Variants in RSBN1L observed in about 807,000 individuals in gnomAD.
The protein encoded by RSBN1L is lysine-specific demethylase RSBN1L.
In RSBN1L, 30 loss-of-function variants were observed where a neutral mutation model predicts 67.7. The ratio of observed to expected loss-of-function variants is 0.44; its 90% CI spans 0.33 to 0.60. The LOEUF (loss-of-function observed/expected upper bound fraction) is 0.60, where lower values mean the gene tolerates loss of function less well. Among genes scored for constraint, RSBN1L ranks in the 20% least tolerant of loss-of-function variants. The pLI is 0.02. For synonymous variants in RSBN1L, 433 were observed against 387.0 expected, an observed-to-expected ratio of 1.12 and a Z score of -1.39; for missense variants, 992 against 1,031.7, an observed-to-expected ratio of 0.96 and a Z score of 0.53.
intron 1 of RSBN1L, among the ~76,000 whole-genome samples, chr7:77,716,078 A>G (rs1213010579): frequency 1.3e-5 from 2 of 152,190 alleles, no homozygotes; most frequent in Admixed American, 6.5e-5. Context: ...TTTTCATAGC[A>G]GAAATTTATA....
chr7:77,769,200 T>C (rs1034927956), intron 5 of RSBN1L, among the ~76,000 whole-genome samples: 8 of 152,216 alleles, frequency 5.3e-5, no homozygotes, highest in African/African-American at 1.9e-4. Flanking sequence ...TGCATTTCAA[T>C]TGGACTAACA....
At chr7:77,725,027 A>G (rs1439989040) in intron 1 of RSBN1L, among the ~76,000 whole-genome samples, 2 of 149,698 alleles carry the variant, frequency 1.3e-5, no homozygotes, top group African/African-American at 2.5e-5. Context: ...TATTTTTAGT[A>G]CAAACGGGGT....
chr7:77,749,812 C>G lies in RSBN1L; in HGVS notation c.1092C>G (p.Ala364=), dbSNP rs753327846. The change falls in exon 3 of 8, where the codon GCC becomes GCG. Residue 364 remains alanine, a synonymous_variant. Coordinates refer to ENST00000334955, the MANE Select transcript of RSBN1L (RefSeq NM_198467.3). ...QPNGGASVIH[A]YSNELSHLSP... ...ATGGAGGTGCATCGGTTATCCATGCCTACAGTAACGAACTCTCCCACCTGT... is the reference window on the plus strand; with the variant it reads ...ATGGAGGTGCATCGGTTATCCATGCGTACAGTAACGAACTCTCCCACCTGT... 26 of 1,614,032 alleles carry G rather than the reference C, an allele frequency of 1.6e-5. No individual in the cohort carries two copies. Among genetic ancestry groups the G allele is most frequent in the Non-Finnish European group, 1.4e-5 (16 of 1,180,030 alleles).
At position 77,731,151 on chromosome 7, in the gene RSBN1L, C is replaced by T. The variant is rs543840748; in HGVS notation, c.587-5259C>T. Among the ~76,000 whole-genome samples, 13 of 152,092 alleles carry T rather than the reference C, an allele frequency of 8.5e-5. No individual in the cohort carries two copies. The East Asian group carries it at 2.3e-3, about 27-fold the overall frequency. On this transcript the variant is annotated intron_variant, in intron 1 of 7. Transcript: ENST00000334955. ...CAGGTGTGGAGTATCTTGTCCTATG[C>T]TTATTTGCTATCTGTATATCTTCTT... is the stretch of plus-strand genomic sequence containing the variant.
rs200508375 is a variant in RSBN1L at position 77,696,605 on chromosome 7, C to A, written c.136C>A (p.Arg46=). ...PPGSLSAKKV[R]TEEKKAPRRV... ...GGGTTCTCTGTCCGCCAAGAAGGTC[C>A]GGACTGAGGAGAAGAAGGCACCGCG... is the stretch of plus-strand genomic sequence containing the variant. Residue 46 remains arginine (R), a synonymous_variant, in exon 1 of 8, where the codon CGG becomes AGG. Transcript: ENST00000334955. 1.2e-6 allele frequency: 2 copies of A among 1,614,066 alleles called. No homozygotes were observed. The highest frequency in any genetic ancestry group is 1.7e-5 in the Admixed American group (1 of 60,024).
At position 77,782,220 on chromosome 7, in the gene RSBN1L, C is replaced by G. The variant is rs1233233466; in HGVS notation, c.*3052C>G. 2.0e-5 allele frequency: 3 copies of G among 152,096 alleles called. No homozygotes were observed. Among genetic ancestry groups the G allele is most frequent in the Non-Finnish European group, 4.4e-5 (3 of 68,018 alleles). The allele number at this position is 152,096 out of a possible 1,614,324, so 9.4% of individuals were successfully genotyped here. ...TTCATAGTACATTCCAGTTCTTTAT[C>G]TGAATACAAGCGTTTTGCTTTTATT... On this transcript the variant is annotated 3_prime_UTR_variant, in exon 8 of 8. Coordinates refer to ENST00000334955, the MANE Select transcript of RSBN1L (RefSeq NM_198467.3).
In RSBN1L at chr7:77,778,733, T is replaced by C; in HGVS notation, c.2106T>C (p.Asn702=). 6.2e-7 allele frequency: 1 copy of C among 1,614,130 alleles called. No individual in the cohort carries two copies. Among genetic ancestry groups the C allele is most frequent in the Non-Finnish European group, 8.5e-7 (1 of 1,179,996 alleles). Residue 702 remains asparagine (N), a synonymous_variant, in exon 8 of 8, where the codon AAT becomes AAC. Coordinates refer to ENST00000334955, the MANE Select transcript of RSBN1L (RefSeq NM_198467.3). ...ACTCAGAGGAGGACACTTCTCAGAA[T>C]ACAGCTACTCATGAAACAGGCACAT... ...LYHSEEDTSQ[N]TATHETGTSS...
rs768518221 is a variant in RSBN1L at position 77,696,498 on chromosome 7, G to A, written c.29G>A (p.Cys10Tyr). ...GCGGAACCGCCGAGCCCCGTGCACT[G>A]TGTCGCTGCCGCGGCCCCCACCGCC... MAEPPSPVHCVAAAAPTATV... is the reference protein window; with the variant it reads MAEPPSPVHYVAAAAPTATV... The change falls in exon 1 of 8, where the codon TGT becomes TAT. Residue 10 changes from cysteine to tyrosine, a missense_variant. Cys to Tyr is a radical substitution (Grantham distance 194). This residue lies in a region of RSBN1L where 575 missense variants were observed against 483.2 expected (regional missense o/e 1.19). Coordinates refer to ENST00000334955, the MANE Select transcript of RSBN1L (RefSeq NM_198467.3). 1.2e-6 allele frequency: 2 copies of A among 1,613,330 alleles called. No homozygotes were observed. Among genetic ancestry groups the A allele is most frequent in the South Asian group, 1.1e-5 (1 of 91,072 alleles).
At position 77,696,669 on chromosome 7, in the gene RSBN1L, G is replaced by A. The variant is rs777035604; in HGVS notation, c.200G>A (p.Arg67Lys). The change falls in exon 1 of 8, where the codon AGG becomes AAG. Residue 67 changes from arginine to lysine, a missense_variant. Transcript: ENST00000334955. The part of the protein sequence containing the change: ...NGEGGSGGNS[R>K]QLQPPAAPSP... ...GAAGGGGGCAGCGGCGGGAACAGCA[G>A]GCAGCTGCAGCCGCCGGCAGCACCT... The A allele has an allele frequency of 2.4e-5, 39 of 1,611,204 alleles. No individual in the cohort carries two copies. The highest frequency in any genetic ancestry group is 2.7e-5 in the African/African-American group (2 of 74,910).
chr7:77,769,207 A>G (rs1164631907), intron 5 of RSBN1L, among the ~76,000 whole-genome samples: 1 of 152,228 alleles, frequency 6.6e-6, no homozygotes, highest in Non-Finnish European at 1.5e-5. Flanking sequence ...CAATTGGACT[A>G]ACACTTCCAG....
chr7:77,696,678 A>G lies in RSBN1L; in HGVS notation c.209A>G (p.Gln70Arg). 6.2e-7 allele frequency: 1 copy of G among 1,611,074 alleles called. No homozygotes were observed. The change falls in exon 1 of 8, where the codon CAG (glutamine) becomes CGG (arginine). Residue 70 changes from glutamine to arginine, a missense_variant. Coordinates refer to ENST00000334955, the MANE Select transcript of RSBN1L (RefSeq NM_198467.3). Reference protein sequence around the residue: ...GGSGGNSRQLQPPAAPSPQSY... With the variant: ...GGSGGNSRQLRPPAAPSPQSY... ...AGCGGCGGGAACAGCAGGCAGCTGC[A>G]GCCGCCGGCAGCACCTTCGCCTCAG... is the stretch of plus-strand genomic sequence containing the variant.
chr7:77,723,092 G>T (rs1042566981), intron 1 of RSBN1L, among the ~76,000 whole-genome samples: 4 of 150,886 alleles, frequency 2.7e-5, no homozygotes, highest in African/African-American at 7.3e-5. Context: ...TCAGCCTTCC[G>T]AGTAGCTGGG....
chr7:77,767,254 T>C (rs1791780665), intron 4 of RSBN1L, among the ~76,000 whole-genome samples: 2 of 149,728 alleles, frequency 1.3e-5, no homozygotes, highest in South Asian at 4.3e-4. Flanking sequence ...CTAAAGAAAT[T>C]TGACAAGCCT....
At chr7:77,735,067 A>G (rs1387593666) in intron 1 of RSBN1L, among the ~76,000 whole-genome samples, 1 of 151,478 alleles carries the variant, frequency 6.6e-6, no homozygotes, top group Non-Finnish European at 1.5e-5. Context: ...AAAAAAAAAC[A>G]AAAAACACTT....
At chr7:77,706,279 T>G (rs1055133982) in intron 1 of RSBN1L, among the ~76,000 whole-genome samples, 1 of 152,168 alleles carries the variant, frequency 6.6e-6, no homozygotes, top group Non-Finnish European at 1.5e-5. Context: ...GGTTTCACCA[T>G]GTTGTCCAGG....
intron 7 of RSBN1L, 37 bp from the exon 8 acceptor site, chr7:77,778,491 AAG>A (rs776305270): frequency 1.9e-6 from 3 of 1,596,736 alleles, no homozygotes; most frequent in South Asian, 1.1e-5. Context: ...TTTTATTATG[AAG>A]AGAGTTATTT....
intron 1 of RSBN1L, among the ~76,000 whole-genome samples, chr7:77,727,301 G>T (rs1001023240): frequency 1.5e-4 from 23 of 151,898 alleles, no homozygotes; most frequent in African/African-American, 4.8e-4. Context: ...TGGTGAGGCT[G>T]GTCTCGAACT....
At chr7:77,768,892 G>A (rs1251252762) in intron 5 of RSBN1L, 89 bp downstream of exon 5, 4 of 1,079,042 alleles carry the variant, frequency 3.7e-6, no homozygotes, top group South Asian at 3.2e-5. Flanking sequence ...AAGGAGGAAT[G>A]CAAAGTTTAG....
chr7:77,778,636 A>G lies in RSBN1L; in HGVS notation c.2009A>G (p.Asn670Ser). Residue 670 changes from asparagine (N) to serine (S), a missense_variant, in exon 8 of 8, where the codon AAT becomes AGT. Transcript: ENST00000334955. ...YDNDIYFIPR[N>S]VVHQFKTVSA... ...AATGACATTTATTTTATTCCAAGGA[A>G]TGTTGTTCATCAGTTCAAGACAGTT... 6.2e-7 allele frequency: 1 copy of G among 1,614,102 alleles called. No individual in the cohort carries two copies. The highest frequency in any genetic ancestry group is 2.2e-5 in the East Asian group (1 of 44,874).
Sources: gnomAD v4.1 joint callset for allele counts (sites outside exome capture counted in the v4.1 genomes callset) on GRCh38, gnomAD v4.1.1 for gene constraint, gnomAD v4.1.1 regional missense constraint, MANE v1.5 for transcripts, NCBI Gene and HGNC (gene_info 2026-07-23, HGNC 2026-07-21) for gene names.